BMP7: variants seen among roughly 807,000 people sequenced by gnomAD.
The protein encoded by BMP7 is bone morphogenetic protein 7.
In BMP7, 12 loss-of-function variants were observed where a neutral mutation model predicts 41.2. That is an observed-to-expected ratio of 0.29 (90% CI 0.19 to 0.47). The LOEUF is 0.47. Ranked by LOEUF, BMP7 falls within the 20% of genes least tolerant of loss-of-function variation. The pLI is 0.99. For missense variants in BMP7, 467 were observed against 606.0 expected (o/e 0.77, Z 2.41); for synonymous variants, 248 against 250.0 (o/e 0.99, Z 0.07).
chr20:57,193,665 G>C (rs1422134505), intron 3 of BMP7, among the ~76,000 whole-genome samples: 1 of 152,200 alleles, frequency 6.6e-6, no homozygotes, highest in East Asian at 1.9e-4. Flanking sequence ...AGCATAATTT[G>C]TTTATCCATC....
chr20:57,171,721 C>T lies in BMP7; in HGVS notation c.1147-613G>A, dbSNP rs1255369064. 2.0e-5 allele frequency among the ~76,000 whole-genome samples: 3 copies of T among 152,200 alleles called. No individual in the cohort carries two copies. The highest frequency in any genetic ancestry group is 4.8e-5 in the African/African-American group (2 of 41,452). ...GATTCCACTGTCCTGTTGTTTTCAA[C>T]GTGAAACTTCTGGGTTTCCAGCAAC... On this transcript the variant is annotated intron_variant, in intron 6 of 6. Transcript: ENST00000395863. This position sits in a 1 kb window ranked among gnomAD's most constrained non-coding sequence, Gnocchi z 4.5.
intron 1 of BMP7, among the ~76,000 whole-genome samples, chr20:57,256,124 C>T (rs534516585): frequency 6.6e-6 from 1 of 152,154 alleles, no homozygotes; most frequent in Non-Finnish European, 1.5e-5. Flanking sequence ...ATGGAAGCCT[C>T]CAGAACATCA....
rs538806368 is a variant in BMP7 at position 57,266,389 on chromosome 20, A to G, written c.-267T>C. ...AGCAGCCCCGGCGAACGAAAAGGCGAGTGAGGAGGCGGGCGCGGGTGGGAG... is the reference window on the plus strand; with the variant it reads ...AGCAGCCCCGGCGAACGAAAAGGCGGGTGAGGAGGCGGGCGCGGGTGGGAG... On this transcript the variant is annotated 5_prime_UTR_variant, in exon 1 of 7. Coordinates refer to ENST00000395863, the MANE Select transcript of BMP7 (RefSeq NM_001719.3). The G allele has an allele frequency of 9.2e-5, 20 of 216,492 alleles. No individual in the cohort carries two copies. In the East Asian group the frequency reaches 2.1e-3, roughly 23 times the overall value. The allele number at this position is 216,492 out of a possible 1,614,324, so 13.4% of individuals were successfully genotyped here. A position where few individuals can be genotyped will look rare whatever the true frequency, so the allele number is the denominator to read the frequency against.
At chr20:57,179,639 C>T (rs1423340826) in intron 4 of BMP7, among the ~76,000 whole-genome samples, 1 of 152,268 alleles carries the variant, frequency 6.6e-6, no homozygotes, top group African/African-American at 2.4e-5. Context: ...ACTTGTGTGG[C>T]TCCACGGCAG....
intron 2 of BMP7, among the ~76,000 whole-genome samples, chr20:57,205,011 G>A (rs961096271): frequency 6.6e-6 from 1 of 152,060 alleles, no homozygotes; most frequent in African/African-American, 2.4e-5. Context: ...TTCCATCTTC[G>A]GCCATGTGAG....
intron 2 of BMP7, among the ~76,000 whole-genome samples, chr20:57,208,430 G>T (rs1984793201): frequency 6.6e-6 from 1 of 152,198 alleles, no homozygotes; most frequent in African/African-American, 2.4e-5. Flanking sequence ...CAAAACCACA[G>T]ATGATAACTA....
intron 2 of BMP7, among the ~76,000 whole-genome samples, chr20:57,209,249 T>TTATTTATATATA (rs1555814046): frequency 1.5e-4 from 14 of 94,866 alleles, no homozygotes; most frequent in African/African-American, 4.5e-4. Flanking sequence ...TTATATATTT[T>TTATTTATATATA]TATATATATA....
chr20:57,172,478 G>T (rs1386157740), intron 6 of BMP7, among the ~76,000 whole-genome samples: 1 of 152,232 alleles, frequency 6.6e-6, no homozygotes, highest in South Asian at 2.1e-4. Flanking sequence ...GGAGGGAGTA[G>T]TCCTGGTAGT....
intron 1 of BMP7, among the ~76,000 whole-genome samples, chr20:57,232,226 T>C (rs1179600695): frequency 6.6e-6 from 1 of 152,176 alleles, no homozygotes; most frequent in Admixed American, 6.5e-5. Context: ...ATAGTAACAA[T>C]GGCCCTTTCT....
chr20:57,250,712 C>A (rs1020870741), intron 1 of BMP7, among the ~76,000 whole-genome samples: 4 of 152,168 alleles, frequency 2.6e-5, no homozygotes, highest in African/African-American at 9.6e-5. Context: ...GGCCAGCCCA[C>A]AGTCAACTGT....
Position 57,265,778 on chromosome 20 carries a change from G to C in BMP7, c.345C>G (p.Gly115=). Residue 115 remains glycine (G), a synonymous_variant, in exon 1 of 7, where the codon GGC becomes GGG. Transcript: ENST00000395863. ...TATCTTGCAGGCTGGCCAGAGGGGG[G>C]CCCTGGGTACTGAAGACGGCCTTGT... The part of the protein sequence containing the change: ...YPYKAVFSTQ[G]PPLASLQDSH... 13 of 1,610,576 alleles carry C rather than the reference G, an allele frequency of 8.1e-6. No homozygotes were observed. Among genetic ancestry groups the C allele is most frequent in the South Asian group, 1.1e-5 (1 of 90,150 alleles).
Position 57,183,707 on chromosome 20 carries a change from C to T in BMP7, c.958+15G>A. On this transcript the variant is annotated intron_variant, in intron 4 of 6. Coordinates refer to ENST00000395863, the MANE Select transcript of BMP7 (RefSeq NM_001719.3). ...TTCCTGTGGTGGGTCTGTGATCCCT[C>T]CCACCTAAGCATACCTGCCACGTTG... The T allele has an allele frequency of 6.2e-7, 1 of 1,613,550 alleles. No individual in the cohort carries two copies. The highest frequency in any genetic ancestry group is 1.1e-5 in the South Asian group (1 of 91,062).
intron 1 of BMP7, among the ~76,000 whole-genome samples, chr20:57,262,538 C>T (rs2066158205): frequency 6.6e-6 from 1 of 152,208 alleles, no homozygotes; most frequent in Non-Finnish European, 1.5e-5. Flanking sequence ...CCAAGAACGA[C>T]TTATAGGAAC....
chr20:57,210,424 G>A (rs555700767), intron 2 of BMP7, among the ~76,000 whole-genome samples: 1 of 152,324 alleles, frequency 6.6e-6, no homozygotes, highest in African/African-American at 2.4e-5. Context: ...CTCAAACGTG[G>A]GAAGGCAGGA....
At chr20:57,257,359 G>A (rs1229186777) in intron 1 of BMP7, among the ~76,000 whole-genome samples, 4 of 152,066 alleles carry the variant, frequency 2.6e-5, no homozygotes, top group Non-Finnish European at 5.9e-5. Flanking sequence ...TTTCATGACT[G>A]CAAACTTAAT....
chr20:57,179,278 C>G (rs1442018229), intron 4 of BMP7, among the ~76,000 whole-genome samples: 1 of 152,244 alleles, frequency 6.6e-6, no homozygotes, highest in Non-Finnish European at 1.5e-5. Context: ...CCCACCCGCC[C>G]CCAAGCAACA....
Position 57,181,542 on chromosome 20 carries a change from G to T in BMP7, c.958+2180C>A, listed in dbSNP as rs1010911911. ...GAAAAAAGAAAAAGAAAATCACTTT[G>T]CCAACAAAGATGTATTCTTTCCTAT... On this transcript the variant is annotated intron_variant, in intron 4 of 6. Coordinates refer to ENST00000395863, the MANE Select transcript of BMP7 (RefSeq NM_001719.3). Among the ~76,000 whole-genome samples, 10 of 151,866 alleles carry T rather than the reference G, an allele frequency of 6.6e-5. No individual in the cohort carries two copies. The South Asian group carries it at 1.9e-3, about 29-fold the overall frequency.
intron 4 of BMP7, among the ~76,000 whole-genome samples, chr20:57,176,424 T>C (rs1013261935): frequency 6.6e-6 from 1 of 152,092 alleles, no homozygotes; most frequent in Non-Finnish European, 1.5e-5. Flanking sequence ...CCTCAACCCA[T>C]CCCAACTGGC....
intron 2 of BMP7, among the ~76,000 whole-genome samples, chr20:57,203,851 G>A (rs1984675674): frequency 6.6e-6 from 1 of 152,188 alleles, no homozygotes; most frequent in Admixed American, 6.5e-5. Flanking sequence ...TGATTATAGT[G>A]AATCTTGTCT....
Sources: allele counts gnomAD v4.1 joint callset (sites outside exome capture counted in the v4.1 genomes callset), GRCh38; gene constraint gnomAD v4.1.1; non-coding constraint Gnocchi (gnomAD v3.1); transcripts MANE v1.5; gene names NCBI Gene and HGNC (gene_info 2026-07-23, HGNC 2026-07-21).